The following PLA2G6 variants were observed in gnomAD, a reference collection of about 807,000 sequenced individuals.
PLA2G6 encodes 85/88 kDa calcium-independent phospholipase A2.
Under a neutral mutation model 83.8 loss-of-function variants are expected in PLA2G6, and 62 were observed. The ratio of observed to expected loss-of-function variants is 0.74; its 90% CI spans 0.60 to 0.91. The LOEUF (loss-of-function observed/expected upper bound fraction) is 0.91, where lower values mean the gene tolerates loss of function less well. Among genes scored for constraint, PLA2G6 ranks in the 40% least tolerant of loss-of-function variants. PLA2G6 has a pLI of 0.00. For synonymous variants in PLA2G6, 417 were observed against 449.8 expected, an observed-to-expected ratio of 0.93 and a Z score of 0.92; for missense variants, 944 against 1,102.0, an observed-to-expected ratio of 0.86 and a Z score of 2.03.
chr22:38,179,562 T>C (rs979780281), intron 1 of PLA2G6, among the ~76,000 whole-genome samples: 1 of 152,054 alleles, frequency 6.6e-6, no homozygotes, highest in Non-Finnish European at 1.5e-5. Context: ...GGCAGGTGGA[T>C]CACTTGAGAT....
At chr22:38,175,043 G>C (rs2090582086) in intron 1 of PLA2G6, among the ~76,000 whole-genome samples, 1 of 152,148 alleles carries the variant, frequency 6.6e-6, no homozygotes, top group Non-Finnish European at 1.5e-5. Context: ...CCCTGGGCAG[G>C]TCTCAGGCAC....
intron 3 of PLA2G6, chr22:38,144,588 G>A (rs1302515990): frequency 4.9e-5 from 7 of 141,644 alleles, no homozygotes; most frequent in South Asian, 2.2e-4. Flanking sequence ...AGCCGAGATC[G>A]CGCCACTGCA....
In PLA2G6 at chr22:38,128,285, GA is replaced by G. The variant is rs757637622; in HGVS notation, c.1331del (p.Ile444ThrfsTer3). ...FSLERAQPPP[I>X]SLNNLELQDL... ...GAGGCCTACCTAGGTTGTTTAGGCT[GA>G]TCGGTGGGGGCTGAGCTCTTTCCAG... On this transcript the variant is annotated frameshift_variant, in exon 9 of 17. Coordinates refer to ENST00000332509, the MANE Select transcript of PLA2G6 (RefSeq NM_003560.4). LOFTEE classifies it high-confidence loss of function. The surrounding 1 kb of genome is among the most constrained non-coding windows in gnomAD (Gnocchi z 4.4). 9.3e-6 allele frequency: 15 copies of G among 1,612,764 alleles called. No homozygotes were observed. Among genetic ancestry groups the G allele is most frequent in the Non-Finnish European group, 1.3e-5 (15 of 1,179,998 alleles).
intron 1 of PLA2G6, among the ~76,000 whole-genome samples, chr22:38,178,812 G>C (rs1452452369): frequency 2.0e-5 from 3 of 152,190 alleles, no homozygotes; most frequent in African/African-American, 7.2e-5. Flanking sequence ...GCTGCAGTGA[G>C]CTGAGATCGC....
At chr22:38,173,364 G>C (rs1443714307) in intron 1 of PLA2G6, among the ~76,000 whole-genome samples, 1 of 151,890 alleles carries the variant, frequency 6.6e-6, no homozygotes, top group Non-Finnish European at 1.5e-5. Context: ...AGGATGCCCA[G>C]GTCACCTGAC....
At chr22:38,163,767 A>G (rs1198227319) in intron 2 of PLA2G6, 1 of 167,788 alleles carries the variant, frequency 6.0e-6, no homozygotes, top group Non-Finnish European at 1.5e-5. Flanking sequence ...GGCTGGGTAC[A>G]GAGCCTCCTT....
At chr22:38,145,210 C>T (rs892826016) in intron 3 of PLA2G6, 36 of 574,450 alleles carry the variant, frequency 6.3e-5, no homozygotes, top group Middle Eastern at 4.7e-4. Flanking sequence ...TTAATTTTTT[C>T]GTAGAGACAA....
rs200966258 is a variant in PLA2G6, at chr22:38,148,859, C to CTTTT, written c.210-3210_210-3207dup. On this transcript the variant is annotated intron_variant, in intron 2 of 16. Coordinates refer to ENST00000332509, the MANE Select transcript of PLA2G6 (RefSeq NM_003560.4). The stretch of plus-strand genomic sequence containing the variant: ...CATCAAACTAGGCTCTAGATTATTT[C>CTTTT]TTTTTTTTTTTTTTTTTTTTTTTTT... 1.7e-3 allele frequency: 256 copies of CTTTT among 152,490 alleles called. 2 individuals carry two copies. Among genetic ancestry groups the CTTTT allele is most frequent in the East Asian group, 4.8e-3 (18 of 3,772 alleles). The allele number at this position is 152,490 out of a possible 1,614,324, so 9.4% of individuals were successfully genotyped here. A position where few individuals can be genotyped will look rare whatever the true frequency, so the allele number is the denominator to read the frequency against.
In PLA2G6 at chr22:38,128,006, C is replaced by T. The variant is rs1485173012; in HGVS notation, c.1348+263G>A. On this transcript the variant is annotated intron_variant, in intron 9 of 16. Coordinates refer to ENST00000332509, the MANE Select transcript of PLA2G6 (RefSeq NM_003560.4). The surrounding 1 kb of genome is among the most constrained non-coding windows in gnomAD (Gnocchi z 4.4). ...AGTAACAGCAGCCACCTCATGGGTG[C>T]CACTGGAAATGCCCAGGCCTGAGAC... 6.6e-6 allele frequency among the ~76,000 whole-genome samples: 1 copy of T among 152,216 alleles called. No individual in the cohort carries two copies. Among genetic ancestry groups the T allele is most frequent in the African/African-American group, 2.4e-5 (1 of 41,458 alleles).
In PLA2G6 at chr22:38,112,077, T is replaced by G; in HGVS notation, c.*84A>C. 6.7e-7 allele frequency: 1 copy of G among 1,485,182 alleles called. No homozygotes were observed. The highest frequency in any genetic ancestry group is 1.2e-5 in the South Asian group (1 of 82,558). The allele number at this position is 1,485,182 out of a possible 1,614,324, so 92.0% of individuals were successfully genotyped here. On this transcript the variant is annotated 3_prime_UTR_variant, in exon 17 of 17. Transcript: ENST00000332509. Reference sequence around the variant, plus strand: ...ACTCAGAGGTGCCTGGGCCCAGATCTGCCCGGGAGGGCAGTGGCTGGGCTT... The same window carrying G: ...ACTCAGAGGTGCCTGGGCCCAGATCGGCCCGGGAGGGCAGTGGCTGGGCTT...
intron 2 of PLA2G6, among the ~76,000 whole-genome samples, chr22:38,160,731 G>C (rs999475889): frequency 6.6e-6 from 1 of 152,140 alleles, no homozygotes; most frequent in African/African-American, 2.4e-5. Flanking sequence ...TGTAGTCCCA[G>C]CTACTCAGGA....
rs750384765 is a variant in PLA2G6, at chr22:38,145,513, T to C, written c.350A>G (p.His117Arg). ...CAGGTGGGCCACTGACCAGCTGGGG[T>C]GGTTACGGATGAGGTCGGTCAGGTG... The part of the protein sequence containing the change: ...LQHLTDLIRN[H>R]PSWSVAHLAV... The change falls in exon 3 of 17, where the codon CAC (histidine) becomes CGC (arginine). Residue 117 changes from histidine to arginine, a missense_variant. Transcript: ENST00000332509. The C allele has an allele frequency of 1.2e-5, 19 of 1,612,516 alleles. No individual in the cohort carries two copies. In the South Asian group the frequency reaches 1.9e-4, roughly 16 times the overall value.
At chr22:38,160,024 C>T (rs1351356373) in intron 2 of PLA2G6, among the ~76,000 whole-genome samples, 1 of 152,082 alleles carries the variant, frequency 6.6e-6, no homozygotes, top group Non-Finnish European at 1.5e-5. Flanking sequence ...AAAACTCCTC[C>T]TAAAACTCTG....
Position 38,132,443 on chromosome 22 carries a change from A to G in PLA2G6, c.1077+388T>C. ...TGTAGAGGGTGACCAAGTGTCCACCATAACTTTTCCACAACTCTTCCAGAT... is the reference window on the plus strand; with the variant it reads ...TGTAGAGGGTGACCAAGTGTCCACCGTAACTTTTCCACAACTCTTCCAGAT... On this transcript the variant is annotated intron_variant, in intron 7 of 16. Transcript: ENST00000332509. The surrounding 1 kb of genome is among the most constrained non-coding windows in gnomAD (Gnocchi z 5.0). The G allele has an allele frequency of 3.0e-6, 1 of 338,622 alleles. No homozygotes were observed. Among genetic ancestry groups the G allele is most frequent in the South Asian group, 2.8e-5 (1 of 36,050 alleles). 21.0% of individuals were successfully genotyped at this position (338,622 alleles called of 1,614,324 possible).
intron 12 of PLA2G6, 40 bp from the exon 13 acceptor site, chr22:38,116,251 C>T (rs200061943): frequency 4.7e-5 from 75 of 1,611,568 alleles, no homozygotes; most frequent in Admixed American, 3.2e-4. Context: ...GAGCCACCCG[C>T]CCATCCACCT....
intron 14 of PLA2G6, 88 bp from the exon 15 acceptor site, chr22:38,113,742 G>T: frequency 8.4e-7 from 1 of 1,196,042 alleles, no homozygotes; most frequent in Non-Finnish European, 1.2e-6. Flanking sequence ...CCCAAGACTG[G>T]GCTCTGGGGC....
intron 1 of PLA2G6, among the ~76,000 whole-genome samples, chr22:38,175,250 C>A (rs1409137382): frequency 6.6e-6 from 1 of 152,180 alleles, no homozygotes; most frequent in African/African-American, 2.4e-5. Context: ...GGCCCAGCTG[C>A]CCCCTCTGAA....
At position 38,123,068 on chromosome 22, in the gene PLA2G6, G is replaced by A. The variant is rs2087614873; in HGVS notation, c.1591+27C>T. ...GAGGACACAGGTCTCAGCCCCGCCT[G>A]GCCCCATCCCCAGGGGCCGCCCTCA... On this transcript the variant is annotated intron_variant, in intron 11 of 16. Transcript: ENST00000332509. This position sits in a 1 kb window ranked among gnomAD's most constrained non-coding sequence, Gnocchi z 4.1. The A allele has an allele frequency of 1.3e-6, 2 of 1,544,524 alleles. No individual in the cohort carries two copies. The highest frequency in any genetic ancestry group is 3.9e-5 in the Admixed American group (2 of 50,986).
At position 38,145,515 on chromosome 22, in the gene PLA2G6, G is replaced by C. The variant is rs766489645; in HGVS notation, c.348C>G (p.Asn116Lys). 6.2e-7 allele frequency: 1 copy of C among 1,613,232 alleles called. No homozygotes were observed. The highest frequency in any genetic ancestry group is 8.5e-7 in the Non-Finnish European group (1 of 1,179,832). ...GGTGGGCCACTGACCAGCTGGGGTG[G>C]TTACGGATGAGGTCGGTCAGGTGCT... ...VLQHLTDLIRNHPSWSVAHLA... is the reference protein window; with the variant it reads ...VLQHLTDLIRKHPSWSVAHLA... Residue 116 changes from asparagine (N) to lysine (K), a missense_variant, in exon 3 of 17, where the codon AAC (asparagine) becomes AAG (lysine). Coordinates refer to ENST00000332509, the MANE Select transcript of PLA2G6 (RefSeq NM_003560.4).
Sources: allele counts gnomAD v4.1 joint callset (sites outside exome capture counted in the v4.1 genomes callset), GRCh38; gene constraint gnomAD v4.1.1; non-coding constraint Gnocchi (gnomAD v3.1); transcripts MANE v1.5; gene names NCBI Gene and HGNC (gene_info 2026-07-23, HGNC 2026-07-21).